HSD17B12: variants seen among roughly 807,000 people sequenced by gnomAD.
HSD17B12 encodes hydroxysteroid 17-beta dehydrogenase 12.
In HSD17B12, 32 loss-of-function variants were observed where a neutral mutation model predicts 39.3. That is an observed-to-expected ratio of 0.81 (90% CI 0.61 to 1.09). The LOEUF is 1.09. Ranked by LOEUF, HSD17B12 falls within the 50% of genes least tolerant of loss-of-function variation. The pLI is 0.00. For missense variants in HSD17B12, 342 were observed against 382.9 expected (o/e 0.89, Z 0.89); for synonymous variants, 150 against 146.7 (o/e 1.02, Z -0.16).
chr11:43,786,328 AT>A (rs1565088961), intron 3 of HSD17B12, among the ~76,000 whole-genome samples: 1 of 152,252 alleles, frequency 6.6e-6, no homozygotes. Flanking sequence ...GTTTAACAAA[AT>A]TAATGATTTT....
chr11:43,783,414 C>CTTTTTT (rs869204675), intron 3 of HSD17B12, among the ~76,000 whole-genome samples: 2 of 131,466 alleles, frequency 1.5e-5, no homozygotes, highest in South Asian at 5.1e-4. Flanking sequence ...TTTTTTTTTA[C>CTTTTTT]TTTTTTTTTT....
In HSD17B12 at chr11:43,791,737, G is replaced by A. The variant is rs1020809868; in HGVS notation, c.284-6583G>A. Reference sequence around the variant, plus strand: ...AGAACCCAGAGCTTTCAAAAGGATGGAGCCTATTCACGTCCTATCAATAGA... The same window carrying A: ...AGAACCCAGAGCTTTCAAAAGGATGAAGCCTATTCACGTCCTATCAATAGA... On this transcript the variant is annotated intron_variant, in intron 3 of 10. Coordinates refer to ENST00000278353, the MANE Select transcript of HSD17B12 (RefSeq NM_016142.3). Among the ~76,000 whole-genome samples the A allele has an allele frequency of 6.6e-5, 10 of 152,118 alleles. No individual in the cohort carries two copies. The South Asian group carries it at 1.7e-3, about 25-fold the overall frequency.
intron 3 of HSD17B12, among the ~76,000 whole-genome samples, chr11:43,774,536 C>A (rs1288206430): frequency 1.3e-5 from 2 of 152,050 alleles, no homozygotes; most frequent in Non-Finnish European, 2.9e-5. Flanking sequence ...TTTACATCAG[C>A]CCTAATTGGA....
At chr11:43,645,050 A>G in the HSD17B12 span, 12 of 152,300 alleles carry the variant, frequency 7.9e-5, no homozygotes, top group African/African-American at 2.9e-4. Flanking sequence ...GAGTTTATTT[A>G]TGGAAATTAG....
At chr11:43,559,242 T>A in the HSD17B12 span, among the ~76,000 whole-genome samples, 1 of 152,168 alleles carries the variant, frequency 6.6e-6, no homozygotes, top group African/African-American at 2.4e-5. Flanking sequence ...GGGGAAGTGG[T>A]TACAAGAAAA....
the HSD17B12 span, among the ~76,000 whole-genome samples, chr11:43,605,280 G>A: frequency 2.0e-5 from 3 of 151,972 alleles, no homozygotes; most frequent in East Asian, 1.9e-4. Context: ...TTCTGGAATC[G>A]GCCGGGCGCA....
At chr11:43,633,423 T>C in the HSD17B12 span, among the ~76,000 whole-genome samples, 1 of 152,020 alleles carries the variant, frequency 6.6e-6, no homozygotes, top group Non-Finnish European at 1.5e-5. Flanking sequence ...TCTCAGCTAC[T>C]TGGGAGGCTG....
rs1328394050 is a variant in HSD17B12 at position 43,854,730 on chromosome 11, T to C, written c.700T>C (p.Phe234Leu). ...CCCTTTCTAGAGTGTCCTGCCATAC[T>C]TCGTAGCTACAAAACTGGCTAAAAT... ...GVFVQSVLPYFVATKLAKIRK... is the reference protein window; with the variant it reads ...GVFVQSVLPYLVATKLAKIRK... Residue 234 changes from phenylalanine (F) to leucine (L), a missense_variant, in exon 10 of 11, where the codon TTC (phenylalanine) becomes CTC (leucine). Coordinates refer to ENST00000278353, the MANE Select transcript of HSD17B12 (RefSeq NM_016142.3). 1.5e-5 allele frequency: 25 copies of C among 1,613,812 alleles called. No individual in the cohort carries two copies. Among genetic ancestry groups the C allele is most frequent in the Non-Finnish European group, 1.9e-5 (22 of 1,180,048 alleles).
the HSD17B12 span, among the ~76,000 whole-genome samples, chr11:43,671,185 G>A: frequency 6.6e-6 from 1 of 151,824 alleles, no homozygotes; most frequent in African/African-American, 2.4e-5. Flanking sequence ...ATTTTTTTGA[G>A]ATGGAGTCTC....
intron 3 of HSD17B12, among the ~76,000 whole-genome samples, chr11:43,790,790 G>C (rs1222338513): frequency 6.6e-6 from 1 of 152,046 alleles, no homozygotes; most frequent in East Asian, 1.9e-4. Flanking sequence ...TCAGGAGTTT[G>C]AGACCAGCCT....
intron 9 of HSD17B12, among the ~76,000 whole-genome samples, chr11:43,846,547 C>T (rs1360383073): frequency 1.3e-5 from 2 of 152,130 alleles, no homozygotes; most frequent in Non-Finnish European, 2.9e-5. Context: ...GCCTATAAAC[C>T]CAGCTACTGT....
intron 1 of HSD17B12, among the ~76,000 whole-genome samples, chr11:43,702,685 G>A (rs1273208188): frequency 6.6e-6 from 1 of 152,132 alleles, no homozygotes; most frequent in Non-Finnish European, 1.5e-5. Context: ...TGGTCACGGT[G>A]GATGATCTTT....
At chr11:43,608,775 A>G in the HSD17B12 span, among the ~76,000 whole-genome samples, 1 of 152,324 alleles carries the variant, frequency 6.6e-6, no homozygotes, top group Admixed American at 6.5e-5. Context: ...TATTCCTTAG[A>G]CTAAATTATT....
the HSD17B12 span, among the ~76,000 whole-genome samples, chr11:43,621,436 T>C: frequency 1.3e-5 from 2 of 152,136 alleles, no homozygotes; most frequent in Non-Finnish European, 2.9e-5. Context: ...TATTTTCAGC[T>C]GGGCACAGTG....
At chr11:43,600,322 T>C in the HSD17B12 span, among the ~76,000 whole-genome samples, 1 of 152,112 alleles carries the variant, frequency 6.6e-6, no homozygotes, top group Non-Finnish European at 1.5e-5. Flanking sequence ...TAAACACTTT[T>C]TTTTTTTCCT....
chr11:43,765,469 C>T (rs575970856), intron 3 of HSD17B12, among the ~76,000 whole-genome samples: 13 of 151,414 alleles, frequency 8.6e-5, no homozygotes, highest in Middle Eastern at 3.4e-3. Context: ...CTCTTTATCA[C>T]TTAAGTTTTT....
chr11:43,706,724 TGGGGG>T (rs1369671225), intron 1 of HSD17B12, among the ~76,000 whole-genome samples: 6 of 80,322 alleles, frequency 7.5e-5, no homozygotes, highest in Admixed American at 1.1e-4. Flanking sequence ...GTGTGTGTTG[TGGGGG>T]GTGGGTGTGC....
At chr11:43,647,741 T>C in the HSD17B12 span, among the ~76,000 whole-genome samples, 5 of 152,326 alleles carry the variant, frequency 3.3e-5, no homozygotes, top group Admixed American at 3.3e-4. Flanking sequence ...TTGGTACGTT[T>C]GGTTTTAGAT....
At chr11:43,851,405 T>C (rs1024194084) in intron 9 of HSD17B12, among the ~76,000 whole-genome samples, 4 of 152,240 alleles carry the variant, frequency 2.6e-5, no homozygotes, top group African/African-American at 9.6e-5. Flanking sequence ...CTTGTTGGGT[T>C]TTTATTTAAC....
Sources: gnomAD v4.1 joint callset for allele counts (sites outside exome capture counted in the v4.1 genomes callset) on GRCh38, gnomAD v4.1.1 for gene constraint, MANE v1.5 for transcripts, NCBI Gene and HGNC (gene_info 2026-07-23, HGNC 2026-07-21) for gene names.